KDM7A: variants seen among roughly 807,000 people sequenced by gnomAD.
The protein encoded by KDM7A is lysine-specific demethylase 7A.
Under a neutral mutation model 114.8 loss-of-function variants are expected in KDM7A, and 28 were observed. That is an observed-to-expected ratio of 0.24 (90% confidence interval 0.18 to 0.33). The LOEUF (loss-of-function observed/expected upper bound fraction) is 0.33. KDM7A is among the 10% of genes least tolerant of loss of function. The pLI is 1.00. For synonymous variants in KDM7A, 423 were observed against 397.8 expected (o/e 1.06, Z -0.75); for missense variants, 942 against 1,142.5 (o/e 0.82, Z 2.53).
chr7:140,135,626 C>T (rs1168134288), intron 2 of KDM7A, among the ~76,000 whole-genome samples: 4 of 151,876 alleles, frequency 2.6e-5, no homozygotes, highest in African/African-American at 4.8e-5. Flanking sequence ...TGTAGATATA[C>T]CATATTATAA....
intron 12 of KDM7A, among the ~76,000 whole-genome samples, chr7:140,101,542 T>C (rs1206019014): frequency 6.6e-6 from 1 of 152,164 alleles, no homozygotes; most frequent in Non-Finnish European, 1.5e-5. Context: ...TGTTGTTCTA[T>C]TGTTTTGGGT....
intron 8 of KDM7A, among the ~76,000 whole-genome samples, chr7:140,119,919 C>G (rs1028022494): frequency 2.6e-5 from 4 of 152,190 alleles, no homozygotes; most frequent in South Asian, 2.1e-4. Flanking sequence ...AATCAGGAAT[C>G]ATTTTTACCA....
At chr7:140,121,751 T>C (rs1818621056) in intron 7 of KDM7A, among the ~76,000 whole-genome samples, 1 of 152,222 alleles carries the variant, frequency 6.6e-6, no homozygotes, top group African/African-American at 2.4e-5. Context: ...GTACAAAGCC[T>C]GTCCTATTAA....
intron 1 of KDM7A, among the ~76,000 whole-genome samples, chr7:140,167,068 A>G (rs78324414): frequency 0.01 from 1,593 of 152,312 alleles, 22 homozygotes; most frequent in African/African-American, 0.037. Context: ...CTATACAAAG[A>G]AAAATTAAAA....
intron 4 of KDM7A, 151 bp from the exon 5 acceptor site, chr7:140,127,734 C>A: frequency 2.7e-6 from 2 of 739,032 alleles, no homozygotes; most frequent in Non-Finnish European, 2.3e-6. Context: ...CTTAATTTCT[C>A]AAGTTCAACT....
chr7:140,135,434 C>CTTGTG (rs1818853467), intron 2 of KDM7A, among the ~76,000 whole-genome samples: 1 of 152,110 alleles, frequency 6.6e-6, no homozygotes, highest in Non-Finnish European at 1.5e-5. Context: ...ATCTCCTGAC[C>CTTGTG]TTGTGATCCG....
At chr7:140,164,270 G>C (rs1352275577) in intron 1 of KDM7A, among the ~76,000 whole-genome samples, 1 of 152,184 alleles carries the variant, frequency 6.6e-6, no homozygotes, top group African/African-American at 2.4e-5. Flanking sequence ...GCAAGGACGG[G>C]GGGAGGGTTA....
intron 12 of KDM7A, among the ~76,000 whole-genome samples, chr7:140,100,449 A>G (rs1392927130): frequency 2.6e-5 from 4 of 151,542 alleles, no homozygotes; most frequent in African/African-American, 7.3e-5. Context: ...AGCTCACCAC[A>G]CTGCTACCAC....
intron 6 of KDM7A, among the ~76,000 whole-genome samples, chr7:140,125,146 A>G (rs1208530279): frequency 6.6e-6 from 1 of 152,234 alleles, no homozygotes. Context: ...CCTTTCTACT[A>G]AGATCCACAG....
At chr7:140,120,553 A>G (rs774031301) in intron 7 of KDM7A, 24 bp from the exon 8 acceptor site, 2 of 1,454,458 alleles carry the variant, frequency 1.4e-6, no homozygotes, top group East Asian at 4.5e-5. Flanking sequence ...AAATATATAA[A>G]CCAGTCATTT....
chr7:140,162,296 T>C (rs138863731), intron 1 of KDM7A, among the ~76,000 whole-genome samples: 1,584 of 150,940 alleles, frequency 0.01, 23 homozygotes, highest in African/African-American at 0.037. Flanking sequence ...GATTGCGCCA[T>C]TGCACTCCAG....
rs917089060 is a variant in KDM7A, at chr7:140,085,057, T to C, written c.*6037A>G. On this transcript the variant is annotated 3_prime_UTR_variant, in exon 20 of 20. Transcript: ENST00000397560. ...CTGCCTGCAGGCAAAAGATGGGAAA[T>C]ACTGTTATGAATCAGCAAAGAAATG... 6.6e-5 allele frequency: 10 copies of C among 152,110 alleles called. No individual in the cohort carries two copies. Among genetic ancestry groups the C allele is most frequent in the African/African-American group, 2.4e-4 (10 of 41,358 alleles). The allele number at this position is 152,110 out of a possible 1,614,324, so 9.4% of individuals were successfully genotyped here. A position where few individuals can be genotyped will look rare whatever the true frequency, so the allele number is the denominator to read the frequency against.
chr7:140,131,508 T>A (rs1317667898), intron 3 of KDM7A, among the ~76,000 whole-genome samples: 2 of 152,134 alleles, frequency 1.3e-5, no homozygotes, highest in African/African-American at 4.8e-5. Context: ...GATCTTCCCA[T>A]CCTCTCGTAA....
intron 1 of KDM7A, among the ~76,000 whole-genome samples, chr7:140,141,409 C>T (rs891856890): frequency 1.3e-5 from 2 of 151,870 alleles, no homozygotes; most frequent in Non-Finnish European, 2.9e-5. Flanking sequence ...TATTTTAAAG[C>T]TCTAGGAATC....
chr7:140,095,421 T>C (rs547564267), intron 17 of KDM7A, among the ~76,000 whole-genome samples: 10 of 152,348 alleles, frequency 6.6e-5, no homozygotes, highest in South Asian at 6.2e-4. Context: ...TTTCCTCTTA[T>C]ACAATAAGCA....
rs1295415421 is a variant in KDM7A, at chr7:140,089,853, A to C, written c.*1241T>G. 1 of 152,230 alleles carries C rather than the reference A, an allele frequency of 6.6e-6. No homozygotes were observed. Among genetic ancestry groups the C allele is most frequent in the African/African-American group, 2.4e-5 (1 of 41,452 alleles). 9.4% of individuals were successfully genotyped at this position (152,230 alleles called of 1,614,324 possible). A position where few individuals can be genotyped will look rare whatever the true frequency, so the allele number is the denominator to read the frequency against. On this transcript the variant is annotated 3_prime_UTR_variant, in exon 20 of 20. Coordinates refer to ENST00000397560, the MANE Select transcript of KDM7A (RefSeq NM_030647.2). ...TCCATATCTTAAGTAATTCTTTAGA[A>C]AATTAAGAAATAAAAAAAGTAAATA...
chr7:140,156,164 C>T (rs78259495), intron 1 of KDM7A, among the ~76,000 whole-genome samples: 1 of 152,188 alleles, frequency 6.6e-6, no homozygotes. Flanking sequence ...AATCATATCA[C>T]AAATAACCTT....
intron 2 of KDM7A, among the ~76,000 whole-genome samples, 159 bp from the exon 3 acceptor site, chr7:140,133,815 G>A (rs1337827681): frequency 6.6e-6 from 1 of 152,254 alleles, no homozygotes; most frequent in East Asian, 1.9e-4. Context: ...TTTGCTTAAT[G>A]TAATGCTGCA....
intron 1 of KDM7A, among the ~76,000 whole-genome samples, chr7:140,162,491 TAATAA>T (rs962225420): frequency 2.0e-5 from 3 of 152,196 alleles, no homozygotes; most frequent in African/African-American, 7.2e-5. Context: ...CTCTTCCCCA[TAATAA>T]AATATAAACT....
Sources: gnomAD v4.1 joint callset for allele counts (sites outside exome capture counted in the v4.1 genomes callset) on GRCh38, gnomAD v4.1.1 for gene constraint, MANE v1.5 for transcripts, NCBI Gene and HGNC (gene_info 2026-07-23, HGNC 2026-07-21) for gene names.